NPIPB11: variants seen among roughly 807,000 people sequenced by gnomAD.
NPIPB11 encodes the protein nuclear pore complex-interacting protein family member B11.
Under a neutral mutation model 32.8 loss-of-function variants are expected in NPIPB11, and 17 were observed. That is an observed-to-expected ratio of 0.52 (90% CI 0.35 to 0.78). The LOEUF (loss-of-function observed/expected upper bound fraction) is 0.78. Ranked by LOEUF, NPIPB11 falls within the 30% of genes least tolerant of loss-of-function variation. The pLI is 0.01. For synonymous variants in NPIPB11, 209 were observed against 398.4 expected (o/e 0.52, Z 5.66); for missense variants, 537 against 1,000.4 (o/e 0.54, Z 6.25).
chr16:29,396,890 G>A (rs1477850691), intron 2 of NPIPB11, among the ~76,000 whole-genome samples: 5 of 151,434 alleles, frequency 3.3e-5, no homozygotes, highest in Non-Finnish European at 5.9e-5. Context: ...GGTGGCTCAC[G>A]CCTGTAATCC....
At chr16:29,383,023 G>A (rs565265073) in exon 8 of NPIPB11, 11 of 1,608,412 alleles carry the variant, frequency 6.8e-6, no homozygotes, top group East Asian at 2.2e-5. Context: ...ATTATCATCC[G>A]CTGACGGTGG....
chr16:29,400,090 A>AG (rs1270922770), intron 2 of NPIPB11, among the ~76,000 whole-genome samples: 1 of 151,920 alleles, frequency 6.6e-6, no homozygotes, highest in Admixed American at 6.6e-5. Context: ...TCAAAAAAAA[A>AG]GAAGCCCTCG....
At chr16:29,382,299 G>C (rs200060765) in exon 8 of NPIPB11, 23 of 1,593,192 alleles carry the variant, frequency 1.4e-5, no homozygotes, top group Non-Finnish European at 1.0e-5. Flanking sequence ...GCAGACGCTC[G>C]GCAGGTGTCT....
chr16:29,396,216 CAG>C (rs1181349192), intron 2 of NPIPB11, among the ~76,000 whole-genome samples: 33 of 151,538 alleles, frequency 2.2e-4, no homozygotes, highest in African/African-American at 7.5e-4. Context: ...GTGAATTAAA[CAG>C]AGATAGCCCT....
At chr16:29,397,410 C>G (rs371824398) in intron 2 of NPIPB11, among the ~76,000 whole-genome samples, 1 of 151,064 alleles carries the variant, frequency 6.6e-6, no homozygotes, top group Non-Finnish European at 1.5e-5. Flanking sequence ...GGGGTTTCGC[C>G]ATGATGCCCT....
exon 8 of NPIPB11, chr16:29,382,254 G>T (rs561337251): frequency 6.2e-7 from 1 of 1,602,082 alleles, no homozygotes; most frequent in African/African-American, 1.4e-5. Context: ...ATTATCATCC[G>T]CTGAGGGTGG....
chr16:29,402,224 A>G lies in NPIPB11; in HGVS notation c.120+1459T>C, dbSNP rs1240785931. ...GCCTGGCACACACAGTGAGTACTCA[A>G]TGTTAGCCATGTAGCTTCATAATGC... is the stretch of plus-strand genomic sequence containing the variant. On this transcript the variant is annotated intron_variant, in intron 2 of 7. Transcript: ENST00000524087. Among the ~76,000 whole-genome samples, 186 of 124,782 alleles carry G rather than the reference A, an allele frequency of 1.5e-3. 2 individuals carry two copies. The highest frequency in any genetic ancestry group is 2.4e-3 in the Non-Finnish European group (148 of 62,626). 81.9% of individuals were successfully genotyped at this position (124,782 alleles called of 152,430 possible).
intron 2 of NPIPB11, among the ~76,000 whole-genome samples, chr16:29,396,622 G>A (rs1462405755): frequency 1.3e-5 from 2 of 151,122 alleles, no homozygotes; most frequent in South Asian, 2.1e-4. Flanking sequence ...TTAGCTGGGA[G>A]TGGTGGCACA....
chr16:29,399,395 A>G (rs1231481878), intron 2 of NPIPB11, among the ~76,000 whole-genome samples: 13 of 148,896 alleles, frequency 8.7e-5, no homozygotes, highest in African/African-American at 2.0e-4. Context: ...ACCCTAAGAA[A>G]CAAGCAAAAC....
At chr16:29,400,241 A>T (rs1375498340) in intron 2 of NPIPB11, among the ~76,000 whole-genome samples, 1 of 148,912 alleles carries the variant, frequency 6.7e-6, no homozygotes, top group Non-Finnish European at 1.5e-5. Context: ...CCAAGCAGAG[A>T]CAGGGAAAGG....
intron 3 of NPIPB11, 130 bp from the exon 4 acceptor site, chr16:29,390,478 C>G (rs549576671): frequency 1.4e-6 from 2 of 1,418,370 alleles, no homozygotes; most frequent in Non-Finnish European, 2.0e-6. Context: ...GATGGTGAAA[C>G]CCCATCTCTA....
chr16:29,394,118 C>T (rs1206573526), intron 2 of NPIPB11, 42 bp from the exon 3 acceptor site: 1 of 1,585,584 alleles, frequency 6.3e-7, no homozygotes, highest in Non-Finnish European at 8.5e-7. Context: ...GTCAATGACA[C>T]TGACAATATT....
chr16:29,404,917 G>A (rs1964079696), upstream of NPIPB11, among the ~76,000 whole-genome samples: 1 of 143,802 alleles, frequency 7.0e-6, no homozygotes, highest in South Asian at 2.4e-4. Context: ...GGCAAAGAGG[G>A]TAAAGGTCAC....
chr16:29,383,164 G>A (rs767136868), exon 8 of NPIPB11: 5 of 1,596,652 alleles, frequency 3.1e-6, no homozygotes, highest in Non-Finnish European at 4.3e-6. Flanking sequence ...GGGTGGAAGC[G>A]GAACTGCAGA....
At chr16:29,397,090 G>A (rs1340056672) in intron 2 of NPIPB11, among the ~76,000 whole-genome samples, 2 of 149,730 alleles carry the variant, frequency 1.3e-5, no homozygotes, top group Non-Finnish European at 3.0e-5. Flanking sequence ...ACAATTGCTT[G>A]AACCCCGGAA....
At chr16:29,397,003 C>A (rs1380658112) in intron 2 of NPIPB11, among the ~76,000 whole-genome samples, 2 of 151,434 alleles carry the variant, frequency 1.3e-5, no homozygotes, top group Admixed American at 1.3e-4. Flanking sequence ...CAAAAATTAG[C>A]CAGGCGTGGT....
At chr16:29,404,605 G>A (rs915612659), upstream of NPIPB11, among the ~76,000 whole-genome samples, 2 of 147,010 alleles carry the variant, frequency 1.4e-5, no homozygotes, top group African/African-American at 2.5e-5. Context: ...ACACATGATC[G>A]CCAGCTATGC....
upstream of NPIPB11, among the ~76,000 whole-genome samples, chr16:29,406,182 T>G (rs1964108789): frequency 6.6e-6 from 1 of 152,258 alleles, no homozygotes; most frequent in African/African-American, 2.4e-5. Context: ...ATCTCTCATC[T>G]TGTAGAGGTA....
At chr16:29,389,370 A>T (rs1371665287) in intron 5 of NPIPB11, among the ~76,000 whole-genome samples, 13 of 28,158 alleles carry the variant, frequency 4.6e-4, no homozygotes, top group Admixed American at 9.8e-4. Context: ...TCAAAATTAA[A>T]AAAAAAAAAA....
Sources: allele counts gnomAD v4.1 joint callset (sites outside exome capture counted in the v4.1 genomes callset), GRCh38; gene constraint gnomAD v4.1.1; transcripts MANE v1.5; gene names NCBI Gene and HGNC (gene_info 2026-07-23, HGNC 2026-07-21).